Variants in NFIA observed in about 807,000 individuals in gnomAD.
The protein encoded by NFIA is nuclear factor 1 A-type.
In NFIA, 8 loss-of-function variants were observed where a neutral mutation model predicts 62.8. The ratio of observed to expected loss-of-function variants is 0.13; its 90% CI spans 0.07 to 0.23. The LOEUF (loss-of-function observed/expected upper bound fraction) is 0.23. Ranked by LOEUF, NFIA falls within the 10% of genes least tolerant of loss-of-function variation. The pLI is 1.00. For missense variants in NFIA, 410 were observed against 642.1 expected, an observed-to-expected ratio of 0.64 and a Z score of 3.91; for synonymous variants, 235 against 238.1, an observed-to-expected ratio of 0.99 and a Z score of 0.12.
chr1:61,432,368 C>T (rs1667135081), intron 10 of NFIA, among the ~76,000 whole-genome samples: 2 of 151,980 alleles, frequency 1.3e-5, no homozygotes, highest in South Asian at 4.1e-4. Context: ...CTTCACCCCT[C>T]ATTTCCAAGA....
intron 6 of NFIA, among the ~76,000 whole-genome samples, chr1:61,365,660 A>T (rs753976444): frequency 1.4e-4 from 22 of 152,348 alleles, no homozygotes; most frequent in African/African-American, 5.3e-4. Context: ...TGTATGCAGT[A>T]TACTAGAGTA....
chr1:61,322,940 ACT>A (rs1009785933), intron 3 of NFIA, among the ~76,000 whole-genome samples: 5 of 152,118 alleles, frequency 3.3e-5, no homozygotes, highest in African/African-American at 1.2e-4. Flanking sequence ...TTAAATATTG[ACT>A]CTGTCTCTAT....
intron 2 of NFIA, among the ~76,000 whole-genome samples, chr1:61,126,777 C>CTT (rs56255004): frequency 3.1e-4 from 27 of 87,320 alleles, no homozygotes; most frequent in South Asian, 9.6e-4. Flanking sequence ...TGTCAGATTC[C>CTT]TTTTTTTTTT....
intron 2 of NFIA, among the ~76,000 whole-genome samples, chr1:61,146,072 G>T (rs1446161854): frequency 1.3e-5 from 2 of 152,176 alleles, no homozygotes; most frequent in Admixed American, 6.5e-5. Flanking sequence ...GGTTCCTTCT[G>T]TAGGCTCCAG....
chr1:61,197,507 GA>G, intron 2 of NFIA, among the ~76,000 whole-genome samples: 1 of 151,340 alleles, frequency 6.6e-6, no homozygotes, highest in Middle Eastern at 3.4e-3. Flanking sequence ...AAAGTGCTGG[GA>G]TTACAAGCGT....
At chr1:61,340,060 A>G (rs1661816646) in intron 4 of NFIA, among the ~76,000 whole-genome samples, 1 of 152,062 alleles carries the variant, frequency 6.6e-6, no homozygotes, top group South Asian at 2.1e-4. Flanking sequence ...ATACTCCTAC[A>G]ATCTTCCTGG....
In NFIA at chr1:61,217,097, C is replaced by A. The variant is rs1186698157; in HGVS notation, c.560-60423C>A. ...TTTGAGATGGAGTTTCACTCTGTCA[C>A]CCAGGCTAGAGTGCAGTGGCGCAGT... On this transcript the variant is annotated intron_variant, in intron 2 of 10. Coordinates refer to ENST00000403491, the MANE Select transcript of NFIA (RefSeq NM_001134673.4). 2.7e-5 allele frequency among the ~76,000 whole-genome samples: 4 copies of A among 148,754 alleles called. No homozygotes were observed. In the East Asian group the frequency reaches 6.0e-4, roughly 22 times the overall value.
chr1:61,318,971 G>A (rs779782547), intron 3 of NFIA, among the ~76,000 whole-genome samples: 1 of 152,086 alleles, frequency 6.6e-6, no homozygotes, highest in Non-Finnish European at 1.5e-5. Context: ...CCAAAACAAC[G>A]TAAATGAGTC....
intron 2 of NFIA, among the ~76,000 whole-genome samples, chr1:61,139,090 A>C (rs1317916600): frequency 6.6e-6 from 1 of 152,100 alleles, no homozygotes; most frequent in Non-Finnish European, 1.5e-5. Flanking sequence ...AAGCACAAGA[A>C]CTGCTTGAAC....
At chr1:61,296,384 T>C (rs1570533657) in intron 3 of NFIA, among the ~76,000 whole-genome samples, 2 of 152,228 alleles carry the variant, frequency 1.3e-5, no homozygotes. Flanking sequence ...AATTGGCTTT[T>C]ACTTAGGCTT....
chr1:61,439,359 CT>C, intron 10 of NFIA: 1 of 152,186 alleles, frequency 6.6e-6, no homozygotes, highest in Non-Finnish European at 1.5e-5. Flanking sequence ...CCTCCCCCGC[CT>C]TTTTTTTCCT....
At position 61,457,645 on chromosome 1, in the gene NFIA, T is replaced by G. The variant is rs1442720462; in HGVS notation, c.*2325T>G. 1 of 152,170 alleles carries G rather than the reference T, an allele frequency of 6.6e-6. No individual in the cohort carries two copies. Among genetic ancestry groups the G allele is most frequent in the Non-Finnish European group, 1.5e-5 (1 of 68,042 alleles). The allele number at this position is 152,170 out of a possible 1,614,324, so 9.4% of individuals were successfully genotyped here. A position where few individuals can be genotyped will look rare whatever the true frequency, so the allele number is the denominator to read the frequency against. On this transcript the variant is annotated 3_prime_UTR_variant, in exon 11 of 11. Coordinates refer to ENST00000403491, the MANE Select transcript of NFIA (RefSeq NM_001134673.4). The surrounding 1 kb of genome is among the most constrained non-coding windows in gnomAD (Gnocchi z 4.2). ...TTAATTTTTCTTTTATTTTTTTTTA[T>G]TTGACCAAAGTCGGTGCTGCACTTG...
chr1:61,114,102 T>A (rs930283127), intron 2 of NFIA, among the ~76,000 whole-genome samples: 1 of 152,164 alleles, frequency 6.6e-6, no homozygotes, highest in Non-Finnish European at 1.5e-5. Context: ...CTGAGTAATA[T>A]CATAAACAAA....
At chr1:61,193,775 T>C (rs6668042) in intron 2 of NFIA, among the ~76,000 whole-genome samples, 1,650 of 152,322 alleles carry the variant, frequency 0.011, 38 homozygotes, top group African/African-American at 0.038. Flanking sequence ...ATATGACCAC[T>C]TTTTCCTTTT....
intron 2 of NFIA, among the ~76,000 whole-genome samples, chr1:61,161,392 A>G (rs1649190597): frequency 6.6e-6 from 1 of 152,208 alleles, no homozygotes; most frequent in South Asian, 2.1e-4. Context: ...TGTTCTAGAC[A>G]CAAGTCTGAT....
intron 2 of NFIA, among the ~76,000 whole-genome samples, chr1:61,101,886 T>C (rs1290131912): frequency 6.6e-6 from 1 of 152,196 alleles, no homozygotes; most frequent in African/African-American, 2.4e-5. Context: ...TGGATGGTGA[T>C]AGAAAATATG....
chr1:61,189,386 G>T (rs774632181), intron 2 of NFIA, among the ~76,000 whole-genome samples: 1 of 152,154 alleles, frequency 6.6e-6, no homozygotes, highest in Non-Finnish European at 1.5e-5. Context: ...AAAGTCATTG[G>T]CTGGGTGCAG....
At chr1:61,308,101 A>G (rs1344532026) in intron 3 of NFIA, among the ~76,000 whole-genome samples, 3 of 152,222 alleles carry the variant, frequency 2.0e-5, no homozygotes, top group Non-Finnish European at 4.4e-5. Flanking sequence ...GGACAAGTCT[A>G]GCAGAATAAC....
At chr1:61,359,387 T>G in intron 6 of NFIA, 113 bp downstream of exon 6, 1 of 1,456,324 alleles carries the variant, frequency 6.9e-7, no homozygotes, top group Non-Finnish European at 9.3e-7. Context: ...AGTTCACTTT[T>G]TCAGGATGAG....
Sources: allele counts gnomAD v4.1 joint callset (sites outside exome capture counted in the v4.1 genomes callset), GRCh38; gene constraint gnomAD v4.1.1; non-coding constraint Gnocchi (gnomAD v3.1); transcripts MANE v1.5; gene names NCBI Gene and HGNC (gene_info 2026-07-23, HGNC 2026-07-21).